Variants in KCNQ3 observed in about 807,000 individuals in gnomAD.
KCNQ3 encodes potassium voltage-gated channel subfamily KQT member 3.
Under a neutral mutation model 92.5 loss-of-function variants are expected in KCNQ3, and 30 were observed. The observed-to-expected ratio is 0.32, with a 90% CI of 0.24 to 0.44. The LOEUF (loss-of-function observed/expected upper bound fraction) is 0.44, where lower values mean the gene tolerates loss of function less well. KCNQ3 is among the 20% of genes least tolerant of loss of function. KCNQ3 has a pLI of 1.00. For missense variants in KCNQ3, 913 were observed against 1,140.3 expected (o/e 0.80, Z 2.87); for synonymous variants, 450 against 468.8 (o/e 0.96, Z 0.52).
intron 1 of KCNQ3, among the ~76,000 whole-genome samples, chr8:132,332,463 G>A (rs533956586): frequency 2.0e-5 from 3 of 152,282 alleles, no homozygotes; most frequent in South Asian, 2.1e-4. Flanking sequence ...CCTCTACCCC[G>A]AGCACTAGTT....
chr8:132,287,244 C>T (rs1388445574), intron 1 of KCNQ3, among the ~76,000 whole-genome samples: 1 of 152,116 alleles, frequency 6.6e-6, no homozygotes, highest in Non-Finnish European at 1.5e-5. Flanking sequence ...TGATCACATA[C>T]ACAAATAAGA....
chr8:132,428,228 C>T (rs1324784970), intron 1 of KCNQ3, among the ~76,000 whole-genome samples: 2 of 152,230 alleles, frequency 1.3e-5, no homozygotes, highest in East Asian at 3.9e-4. Context: ...TCTCCTACCA[C>T]CCCCTCCTCT....
chr8:132,377,119 A>C (rs949073328), intron 1 of KCNQ3, among the ~76,000 whole-genome samples: 9 of 152,182 alleles, frequency 5.9e-5, no homozygotes, highest in African/African-American at 1.2e-4. Context: ...TTACCACTTG[A>C]ATCAGTAGAC....
intron 1 of KCNQ3, among the ~76,000 whole-genome samples, chr8:132,370,062 A>C (rs1819431156): frequency 6.6e-6 from 1 of 151,544 alleles, no homozygotes; most frequent in Non-Finnish European, 1.5e-5. Context: ...AGCCTGGCTG[A>C]CTCTTATATT....
intron 1 of KCNQ3, among the ~76,000 whole-genome samples, chr8:132,441,470 C>T (rs145693975): frequency 0.018 from 2,664 of 152,224 alleles, 74 homozygotes; most frequent in African/African-American, 0.06. Context: ...AGGAGAATGG[C>T]GTGAACCCGG....
intron 1 of KCNQ3, among the ~76,000 whole-genome samples, chr8:132,471,744 G>A (rs537697776): frequency 2.0e-5 from 3 of 152,194 alleles, no homozygotes; most frequent in Non-Finnish European, 2.9e-5. Flanking sequence ...CAAAAGCACA[G>A]TCAACAAAAC....
chr8:132,382,341 C>A (rs192294742), intron 1 of KCNQ3, among the ~76,000 whole-genome samples: 29 of 152,208 alleles, frequency 1.9e-4, no homozygotes, highest in Non-Finnish European at 3.5e-4. Context: ...CATGTGAGAG[C>A]CGGTTGTTTA....
chr8:132,172,165 A>G (rs1826387589), intron 7 of KCNQ3, among the ~76,000 whole-genome samples: 1 of 151,996 alleles, frequency 6.6e-6, no homozygotes, highest in Admixed American at 6.6e-5. Context: ...CAGCCTGGAC[A>G]AGAGAGTCTC....
intron 1 of KCNQ3, among the ~76,000 whole-genome samples, chr8:132,423,542 A>G (rs187280328): frequency 9.8e-4 from 150 of 152,296 alleles, no homozygotes; most frequent in Non-Finnish European, 1.8e-3. Context: ...TAACCTCCCC[A>G]TGGGGCCAAG....
At chr8:132,432,575 A>T (rs1297631325) in intron 1 of KCNQ3, among the ~76,000 whole-genome samples, 3 of 151,916 alleles carry the variant, frequency 2.0e-5, no homozygotes, top group Admixed American at 6.6e-5. Flanking sequence ...TCCATTCCAA[A>T]CTCGACTCCA....
At chr8:132,397,878 T>C (rs1297655977) in intron 1 of KCNQ3, among the ~76,000 whole-genome samples, 1 of 152,220 alleles carries the variant, frequency 6.6e-6, no homozygotes, top group African/African-American at 2.4e-5. Flanking sequence ...TATCCATCTA[T>C]CTATCTGTCT....
chr8:132,386,215 G>C (rs1294244155), intron 1 of KCNQ3, among the ~76,000 whole-genome samples: 1 of 152,042 alleles, frequency 6.6e-6, no homozygotes, highest in African/African-American at 2.4e-5. Context: ...AAAATGTATA[G>C]CCTTGCATGC....
chr8:132,209,925 C>T (rs1182871744), intron 1 of KCNQ3, among the ~76,000 whole-genome samples: 3 of 152,118 alleles, frequency 2.0e-5, no homozygotes, highest in African/African-American at 7.2e-5. Context: ...TGTGTATATA[C>T]ATGTGTGTGT....
intron 1 of KCNQ3, among the ~76,000 whole-genome samples, chr8:132,334,203 C>T (rs1054326205): frequency 4.0e-5 from 6 of 151,502 alleles, no homozygotes; most frequent in African/African-American, 7.3e-5. Context: ...AAGTTGTGGC[C>T]GGGTGTGGTG....
intron 1 of KCNQ3, among the ~76,000 whole-genome samples, chr8:132,276,400 T>G (rs1156677289): frequency 6.6e-6 from 1 of 151,982 alleles, no homozygotes; most frequent in Non-Finnish European, 1.5e-5. Context: ...CACAGAAACA[T>G]CCAGGGCAGG....
Position 132,129,454 on chromosome 8 carries a change from G to A in KCNQ3, c.2427C>T (p.Ile809=). The A allele has an allele frequency of 1.2e-6, 2 of 1,614,216 alleles. No individual in the cohort carries two copies. Among genetic ancestry groups the A allele is most frequent in the Non-Finnish European group, 1.7e-6 (2 of 1,180,046 alleles). ...ELERSPSGFS[I]SQDRDDYVFG... The stretch of plus-strand genomic sequence containing the variant: ...ACACATAATCATCTCTGTCCTGGGA[G>A]ATGCTGAAGCCACTTGGAGACCTCT... The change falls in exon 15 of 15, where the codon ATC becomes ATT. Residue 809 remains isoleucine, a synonymous_variant. Coordinates refer to ENST00000388996, the MANE Select transcript of KCNQ3 (RefSeq NM_004519.4). The surrounding 1 kb of genome is among the most constrained non-coding windows in gnomAD (Gnocchi z 5.9).
At chr8:132,209,481 T>G (rs1039051603) in intron 1 of KCNQ3, among the ~76,000 whole-genome samples, 7 of 152,092 alleles carry the variant, frequency 4.6e-5, no homozygotes, top group Non-Finnish European at 1.0e-4. Flanking sequence ...GTTCTAGGCC[T>G]GTTCATTGTC....
chr8:132,243,340 A>G lies in KCNQ3; in HGVS notation c.387-57159T>C, dbSNP rs1488807118. On this transcript the variant is annotated intron_variant, in intron 1 of 14. Transcript: ENST00000388996. ...ACTACTGACACTATCAAAAAGGGAAAGAAAATGTGAGGTGGAATTATGCCC... is the reference window on the plus strand; with the variant it reads ...ACTACTGACACTATCAAAAAGGGAAGGAAAATGTGAGGTGGAATTATGCCC... Among the ~76,000 whole-genome samples the G allele has an allele frequency of 3.9e-5, 6 of 152,230 alleles. No individual in the cohort carries two copies. In the South Asian group the frequency reaches 1.0e-3, roughly 26 times the overall value.
At chr8:132,363,733 A>G (rs181235080) in intron 1 of KCNQ3, among the ~76,000 whole-genome samples, 1 of 150,982 alleles carries the variant, frequency 6.6e-6, no homozygotes. Context: ...CACGTCATTC[A>G]CTCTTGTTTT....
Sources: allele counts gnomAD v4.1 joint callset (sites outside exome capture counted in the v4.1 genomes callset), GRCh38; gene constraint gnomAD v4.1.1; non-coding constraint Gnocchi (gnomAD v3.1); transcripts MANE v1.5; gene names NCBI Gene and HGNC (gene_info 2026-07-23, HGNC 2026-07-21).